ITPR1: variants seen among roughly 807,000 people sequenced by gnomAD.
ITPR1 encodes the protein inositol 1,4,5-trisphosphate-gated calcium channel ITPR1.
In ITPR1, 96 loss-of-function variants were observed where a neutral mutation model predicts 318.4. The ratio of observed to expected loss-of-function variants is 0.30; its 90% confidence interval spans 0.26 to 0.36. The LOEUF is 0.36. Among genes scored for constraint, ITPR1 ranks in the 10% least tolerant of loss-of-function variants. The pLI, the probability that ITPR1 is intolerant of heterozygous loss-of-function variation, is 1.00. For missense variants in ITPR1, 2,440 were observed against 3,460.2 expected (o/e 0.71, Z 7.40); for synonymous variants, 1,312 against 1,289.9 (o/e 1.02, Z -0.37).
At chr3:4,613,562 C>T (rs1248885868) in intron 4 of ITPR1, among the ~76,000 whole-genome samples, 1 of 152,128 alleles carries the variant, frequency 6.6e-6, no homozygotes, top group African/African-American at 2.4e-5. Flanking sequence ...ATACCAAGGC[C>T]ATAAGGGGAG....
At chr3:4,675,615 C>T (rs1163901588) in intron 23 of ITPR1, among the ~76,000 whole-genome samples, 1 of 152,060 alleles carries the variant, frequency 6.6e-6, no homozygotes, top group Admixed American at 6.5e-5. Context: ...CATGTCCTAT[C>T]ATTGTTCTTG....
At chr3:4,530,150 G>A (rs1263175766) in intron 4 of ITPR1, among the ~76,000 whole-genome samples, 1 of 152,186 alleles carries the variant, frequency 6.6e-6, no homozygotes, top group Non-Finnish European at 1.5e-5. Context: ...ACAGACAAGA[G>A]GGGCATGCTA....
chr3:4,675,188 A>G lies in ITPR1; in HGVS notation c.2719A>G (p.Ile907Val). 1 of 1,612,700 alleles carries G rather than the reference A, an allele frequency of 6.2e-7. No homozygotes were observed. The highest frequency in any genetic ancestry group is 8.5e-7 in the Non-Finnish European group (1 of 1,179,282). The change falls in exon 23 of 62, where the codon ATT becomes GTT. Residue 907 changes from isoleucine (I) to valine (V), a missense_variant. By Grantham distance (29) the Ile-to-Val change is conservative. Around this residue, in one of 23 missense-constraint regions of ITPR1, gnomAD observed 478 missense variants for 696.3 expected, o/e 0.69. Transcript: ENST00000649015. Reference sequence around the variant, plus strand: ...TGTACATGTGACAACAATCTTCCCCATTAGCAAGATGGCGAAAGGAGAAGA... The same window carrying G: ...TGTACATGTGACAACAATCTTCCCCGTTAGCAAGATGGCGAAAGGAGAAGA... The part of the protein sequence containing the change: ...DCVHVTTIFP[I>V]SKMAKGEENK...
chr3:4,730,037 G>A lies in ITPR1; in HGVS notation c.5220+2864G>A, dbSNP rs892983389. Among the ~76,000 whole-genome samples the A allele has an allele frequency of 3.7e-4, 56 of 150,706 alleles. 1 individual carries two copies. The highest frequency in any genetic ancestry group is 1.3e-4 in the Non-Finnish European group (9 of 67,800). ...AGGATGATTAGGAAAGCTTTTCTCTGCAGATTTTAATTTTTCTTAAATTAA... is the reference window on the plus strand; with the variant it reads ...AGGATGATTAGGAAAGCTTTTCTCTACAGATTTTAATTTTTCTTAAATTAA... On this transcript the variant is annotated intron_variant, in intron 42 of 61. Transcript: ENST00000649015.
chr3:4,578,599 G>C (rs2088946196), intron 4 of ITPR1, among the ~76,000 whole-genome samples: 1 of 152,150 alleles, frequency 6.6e-6, no homozygotes, highest in South Asian at 2.1e-4. Flanking sequence ...AGCTGGTCCT[G>C]TGTTCTGTGA....
At position 4,710,161 on chromosome 3, in the gene ITPR1, TA is replaced by T. The variant is rs2041247235; in HGVS notation, c.4843-162del. ...CTGCATCAGAGGCTAATGTTTCAGG[TA>T]ACCATTGGGCAATGTCTAATAATTT... On this transcript the variant is annotated intron_variant, in intron 37 of 61. Coordinates refer to ENST00000649015, the MANE Select transcript of ITPR1 (RefSeq NM_001378452.1). The surrounding 1 kb of genome is among the most constrained non-coding windows in gnomAD (Gnocchi z 4.2). Among the ~76,000 whole-genome samples the T allele has an allele frequency of 6.6e-6, 1 of 152,220 alleles. No homozygotes were observed. The highest frequency in any genetic ancestry group is 2.4e-5 in the African/African-American group (1 of 41,454).
chr3:4,813,285 G>C, intron 57 of ITPR1, 51 bp downstream of exon 57: 1 of 1,266,924 alleles, frequency 7.9e-7, no homozygotes, highest in South Asian at 1.4e-5. Context: ...TCCTCCAGAG[G>C]CTTAGCTGAT....
At chr3:4,522,131 G>C (rs2082617782) in intron 4 of ITPR1, among the ~76,000 whole-genome samples, 1 of 152,174 alleles carries the variant, frequency 6.6e-6, no homozygotes, top group East Asian at 1.9e-4. Flanking sequence ...ATAGATGCTT[G>C]GGGCTCCATT....
intron 4 of ITPR1, among the ~76,000 whole-genome samples, chr3:4,624,670 C>CAGA (rs1491480824): frequency 1.4e-5 from 1 of 72,506 alleles, no homozygotes; most frequent in Non-Finnish European, 3.0e-5. Context: ...GCTCTGTCTC[C>CAGA]AAAAAAAAAA....
At chr3:4,533,104 G>A (rs2124955811) in intron 4 of ITPR1, among the ~76,000 whole-genome samples, 1 of 152,270 alleles carries the variant, frequency 6.6e-6, no homozygotes, top group Middle Eastern at 3.4e-3. Flanking sequence ...ATAAACAGCT[G>A]GGGAGAGCAC....
intron 2 of ITPR1, among the ~76,000 whole-genome samples, chr3:4,513,308 C>T (rs768787219): frequency 3.3e-5 from 5 of 152,196 alleles, no homozygotes; most frequent in Non-Finnish European, 7.3e-5. Context: ...ACCTATCCTC[C>T]TCCCCCCATC....
chr3:4,674,688 TAAC>T (rs2094149652), intron 22 of ITPR1, among the ~76,000 whole-genome samples: 1 of 152,238 alleles, frequency 6.6e-6, no homozygotes, highest in Non-Finnish European at 1.5e-5. Context: ...ACTTCTGAGT[TAAC>T]AACGTTTCTG....
intron 18 of ITPR1, among the ~76,000 whole-genome samples, chr3:4,668,383 G>T (rs553625163): frequency 6.6e-6 from 1 of 151,804 alleles, no homozygotes; most frequent in Admixed American, 6.5e-5. Flanking sequence ...GTCTTTCTGT[G>T]CTTGGCTTAT....
chr3:4,522,300 C>T (rs2082629834), intron 4 of ITPR1, among the ~76,000 whole-genome samples: 1 of 152,222 alleles, frequency 6.6e-6, no homozygotes, highest in South Asian at 2.1e-4. Context: ...CCAAAGGGCT[C>T]AAATCTTGCC....
chr3:4,671,026 AGT>A, intron 20 of ITPR1, 100 bp downstream of exon 20: 1 of 825,420 alleles, frequency 1.2e-6, no homozygotes, highest in Non-Finnish European at 1.8e-6. Context: ...AATCACAAGG[AGT>A]CATCTTGTAA....
rs2084376388 is a variant in ITPR1, at chr3:4,540,848, T to C, written c.163+19754T>C. 4.6e-5 allele frequency among the ~76,000 whole-genome samples: 7 copies of C among 152,314 alleles called. No homozygotes were observed. In the South Asian group the frequency reaches 1.5e-3, roughly 32 times the overall value. Reference sequence around the variant, plus strand: ...GCCTCAGGCTCCCAAAGTACTGGGATTACAGATGTGAGACACCACGCCTAG... The same window carrying C: ...GCCTCAGGCTCCCAAAGTACTGGGACTACAGATGTGAGACACCACGCCTAG... On this transcript the variant is annotated intron_variant, in intron 4 of 61. Transcript: ENST00000649015.
intron 35 of ITPR1, among the ~76,000 whole-genome samples, chr3:4,702,111 A>G (rs1011390755): frequency 7.1e-6 from 1 of 139,888 alleles, no homozygotes; most frequent in Admixed American, 7.2e-5. Context: ...CAAAACTATA[A>G]TTTTTTAATG....
rs919348410 is a variant in ITPR1 at position 4,670,496 on chromosome 3, C to G, written c.2007-233C>G. ...ACCTCTCCATTTCGGTTGTGACAAC[C>G]AAAAACCTGTCCAGAGACATTGCCT... is the stretch of plus-strand genomic sequence containing the variant. On this transcript the variant is annotated intron_variant, in intron 19 of 61. Coordinates refer to ENST00000649015, the MANE Select transcript of ITPR1 (RefSeq NM_001378452.1). 2.0e-5 allele frequency among the ~76,000 whole-genome samples: 3 copies of G among 152,284 alleles called. No homozygotes were observed. The South Asian group carries it at 6.2e-4, about 32-fold the overall frequency.
At chr3:4,657,900 C>T (rs533037962) in intron 12 of ITPR1, among the ~76,000 whole-genome samples, 168 of 152,280 alleles carry the variant, frequency 1.1e-3, no homozygotes, top group African/African-American at 3.8e-3. Flanking sequence ...CCACCGTGCC[C>T]GGCTGGAACA....
Sources: allele counts gnomAD v4.1 joint callset (sites outside exome capture counted in the v4.1 genomes callset), GRCh38; gene constraint gnomAD v4.1.1; regional missense constraint gnomAD v4.1.1; non-coding constraint Gnocchi (gnomAD v3.1); transcripts MANE v1.5; gene names NCBI Gene and HGNC (gene_info 2026-07-23, HGNC 2026-07-21).